Variants in SCARA5 observed in about 807,000 individuals in gnomAD.
The protein encoded by SCARA5 is scavenger receptor class A member 5, also known as scavenger receptor class A, member 5 (putative).
Under a neutral mutation model 46.3 loss-of-function variants are expected in SCARA5, and 45 were observed. The observed-to-expected ratio is 0.97, with a 90% CI of 0.76 to 1.24. The LOEUF is 1.24. Among genes scored for constraint, SCARA5 ranks in the 50% most tolerant of loss-of-function variants. SCARA5 has a pLI of 0.00. For missense variants in SCARA5, 680 were observed against 689.0 expected (o/e 0.99, Z 0.15); for synonymous variants, 333 against 306.5 (o/e 1.09, Z -0.90).
At chr8:27,908,389 G>A (rs907506540) in intron 5 of SCARA5, among the ~76,000 whole-genome samples, 8 of 152,202 alleles carry the variant, frequency 5.3e-5, no homozygotes, top group East Asian at 1.9e-4. Context: ...GTCCTTGACC[G>A]AGTGAGAGCC....
chr8:27,949,572 A>G (rs938847798), intron 3 of SCARA5, among the ~76,000 whole-genome samples: 2 of 152,208 alleles, frequency 1.3e-5, no homozygotes, highest in African/African-American at 4.8e-5. Flanking sequence ...TAGCTCAGGA[A>G]TCAGGCCACT....
At chr8:27,967,345 C>T (rs904024905) in intron 2 of SCARA5, among the ~76,000 whole-genome samples, 8 of 152,128 alleles carry the variant, frequency 5.3e-5, no homozygotes, top group Non-Finnish European at 7.3e-5. Flanking sequence ...GCAGCAAATC[C>T]GGCCCCAGGA....
At chr8:27,961,970 A>C (rs187574118) in intron 3 of SCARA5, among the ~76,000 whole-genome samples, 35 of 152,336 alleles carry the variant, frequency 2.3e-4, no homozygotes, top group Admixed American at 7.2e-4. Context: ...TAGAATAGGC[A>C]GAAATTTTTG....
At chr8:27,955,824 T>C (rs1245319521) in intron 3 of SCARA5, among the ~76,000 whole-genome samples, 1 of 152,206 alleles carries the variant, frequency 6.6e-6, no homozygotes, top group Non-Finnish European at 1.5e-5. Context: ...GGCAACTCTA[T>C]GTGTCGACGA....
chr8:27,871,348 AGGT>A lies in SCARA5; in HGVS notation c.*583_*585del, dbSNP rs1443029347. The A allele has an allele frequency of 4.3e-6, 3 of 700,512 alleles. No individual in the cohort carries two copies. In the East Asian group the frequency reaches 4.0e-4, roughly 93 times the overall value. 43.4% of individuals were successfully genotyped at this position (700,512 alleles called of 1,614,324 possible). A position where few individuals can be genotyped will look rare whatever the true frequency, so the allele number is the denominator to read the frequency against. ...TCTCCAAATCTAGCTGGATTCCTGC[AGGT>A]GACTTGCATTTCCCTCTTGCCCCTA... On this transcript the variant is annotated 3_prime_UTR_variant, in exon 9 of 9. Coordinates refer to ENST00000354914, the MANE Select transcript of SCARA5 (RefSeq NM_173833.6).
chr8:27,966,501 G>A lies in SCARA5; in HGVS notation c.154C>T (p.Leu52=), dbSNP rs1227080989. The change falls in exon 3 of 9, where the codon CTG becomes TTG. Residue 52 remains leucine (L), a synonymous_variant. Coordinates refer to ENST00000354914, the MANE Select transcript of SCARA5 (RefSeq NM_173833.6). ...TGCTTCAGGGCCGACAGGGACCCCAGCTGGGTACAGCAGATGCTTGCCCGC... is the reference window on the plus strand; with the variant it reads ...TGCTTCAGGGCCGACAGGGACCCCAACTGGGTACAGCAGATGCTTGCCCGC... ...KRRASICCTQ[L]GSLSALKHAV... 1.2e-6 allele frequency: 2 copies of A among 1,613,796 alleles called. No homozygotes were observed. Among genetic ancestry groups the A allele is most frequent in the Non-Finnish European group, 1.7e-6 (2 of 1,179,906 alleles).
chr8:27,987,393 A>T (rs758194577), intron 2 of SCARA5, 111 bp downstream of exon 2: 2 of 740,312 alleles, frequency 2.7e-6, no homozygotes, highest in Admixed American at 1.8e-5. Context: ...GCACTATTAC[A>T]TGAGGAGGTC....
At position 27,871,088 on chromosome 8, in the gene SCARA5, A is replaced by G. The variant is rs1215532369; in HGVS notation, c.*846T>C. On this transcript the variant is annotated 3_prime_UTR_variant, in exon 9 of 9. Coordinates refer to ENST00000354914, the MANE Select transcript of SCARA5 (RefSeq NM_173833.6). ...TTCTAGTTACACAGGTCCTGCACCC[A>G]AGCTTTTAGCTCAGGCCAAGTAAAG... 1 of 152,190 alleles carries G rather than the reference A, an allele frequency of 6.6e-6. No individual in the cohort carries two copies. The highest frequency in any genetic ancestry group is 1.5e-5 in the Non-Finnish European group (1 of 68,056). The allele number at this position is 152,190 out of a possible 1,614,324, so 9.4% of individuals were successfully genotyped here.
rs923483428 is a variant in SCARA5, at chr8:27,870,912, T to G, written c.*1022A>C. On this transcript the variant is annotated 3_prime_UTR_variant, in exon 9 of 9. Transcript: ENST00000354914. ...CACATGACTTGGCTTTAACCGTGAC[T>G]GCCCAATGCCAGAGCACTGGACTCA... 6.6e-6 allele frequency: 1 copy of G among 152,260 alleles called. No individual in the cohort carries two copies. Among genetic ancestry groups the G allele is most frequent in the East Asian group, 1.9e-4 (1 of 5,190 alleles). The allele number at this position is 152,260 out of a possible 1,614,324, so 9.4% of individuals were successfully genotyped here.
At chr8:27,892,633 G>A (rs1017701721) in intron 7 of SCARA5, among the ~76,000 whole-genome samples, 2 of 119,834 alleles carry the variant, frequency 1.7e-5, no homozygotes, top group African/African-American at 3.0e-5. Flanking sequence ...TTTTTGAGAC[G>A]GAGTCAAGCT....
chr8:27,938,292 T>C (rs1386779117), intron 3 of SCARA5, among the ~76,000 whole-genome samples: 2 of 152,192 alleles, frequency 1.3e-5, no homozygotes, highest in Non-Finnish European at 2.9e-5. Context: ...TACTTATCAC[T>C]TCTGAACTGT....
intron 7 of SCARA5, among the ~76,000 whole-genome samples, chr8:27,901,089 A>G (rs141518420): frequency 2.8e-4 from 42 of 152,232 alleles, no homozygotes; most frequent in African/African-American, 7.7e-4. Flanking sequence ...ATGGGTAAAC[A>G]ATGGCAAGAT....
intron 3 of SCARA5, among the ~76,000 whole-genome samples, chr8:27,946,441 G>C (rs1053057904): frequency 6.6e-6 from 1 of 152,210 alleles, no homozygotes; most frequent in African/African-American, 2.4e-5. Context: ...TGTATTTGCT[G>C]GTTTCACATT....
At chr8:27,981,026 T>C (rs1327054090) in intron 2 of SCARA5, among the ~76,000 whole-genome samples, 1 of 152,088 alleles carries the variant, frequency 6.6e-6, no homozygotes, top group African/African-American at 2.4e-5. Context: ...TCCCCACCTC[T>C]GCAAGCTTTG....
chr8:27,921,705 C>A lies in SCARA5; in HGVS notation c.782G>T (p.Arg261Leu), dbSNP rs1186750045. Residue 261 changes from arginine (R) to leucine (L), a missense_variant, in exon 4 of 9, where the codon CGC (arginine) becomes CTC (leucine). Arg to Leu is a moderately radical substitution (Grantham distance 102, BLOSUM62 -2). This residue lies in a region of SCARA5 where 438 missense variants were observed against 384.5 expected (regional missense o/e 1.14). Transcript: ENST00000354914. ...CATGCCTACGTGCGCCAGGCGCAGG[C>A]GGCGCGTGTCCTCGCTGGCGTTGCT... ...LVSNASEDTR[R>L]LRLAHVGMEL... 8.1e-6 allele frequency: 13 copies of A among 1,602,206 alleles called. No individual in the cohort carries two copies. The highest frequency in any genetic ancestry group is 1.1e-5 in the Non-Finnish European group (13 of 1,175,474).
chr8:27,881,530 G>A (rs758849224), intron 7 of SCARA5, among the ~76,000 whole-genome samples: 11 of 151,454 alleles, frequency 7.3e-5, no homozygotes, highest in Non-Finnish European at 1.0e-4. Context: ...AGATGGGGGA[G>A]GGGAGAAGAG....
At chr8:27,989,099 T>C (rs1808747235) in intron 1 of SCARA5, among the ~76,000 whole-genome samples, 1 of 150,360 alleles carries the variant, frequency 6.7e-6, no homozygotes, top group Non-Finnish European at 1.5e-5. Flanking sequence ...GTATTTTCTT[T>C]CTTCTTTTTT....
At chr8:27,957,636 C>T (rs1031989305) in intron 3 of SCARA5, among the ~76,000 whole-genome samples, 3 of 152,236 alleles carry the variant, frequency 2.0e-5, no homozygotes, top group Admixed American at 6.5e-5. Flanking sequence ...CCTGAATTCA[C>T]GCCATTCCCA....
rs566910413 is a variant in SCARA5 at position 27,903,924 on chromosome 8, T to C, written c.1153+854A>G. The stretch of plus-strand genomic sequence containing the variant: ...CGCCCTCACGTGGGACAGAGCCAAC[T>C]AACACCACATGCTGGGTTTGGTGTT... On this transcript the variant is annotated intron_variant, in intron 7 of 8. Transcript: ENST00000354914. Among the ~76,000 whole-genome samples the C allele has an allele frequency of 5.9e-5, 9 of 152,312 alleles. No homozygotes were observed. In the South Asian group the frequency reaches 1.0e-3, roughly 18 times the overall value.
Sources: gnomAD v4.1 joint callset for allele counts (sites outside exome capture counted in the v4.1 genomes callset) on GRCh38, gnomAD v4.1.1 for gene constraint, gnomAD v4.1.1 regional missense constraint, MANE v1.5 for transcripts, NCBI Gene and HGNC (gene_info 2026-07-23, HGNC 2026-07-21) for gene names.